Variants in IMPG1 observed in about 807,000 individuals in gnomAD.
IMPG1 encodes the protein interphotoreceptor matrix proteoglycan 1, also known as interphotoreceptor matrix proteoglycan of 150 kDa.
Under a neutral mutation model 92.0 loss-of-function variants are expected in IMPG1, and 85 were observed. The ratio of observed to expected loss-of-function variants is 0.92; its 90% CI spans 0.78 to 1.11. The LOEUF (loss-of-function observed/expected upper bound fraction) is 1.11. Among genes scored for constraint, IMPG1 ranks in the 50% least tolerant of loss-of-function variants. The pLI, the probability that IMPG1 is intolerant of heterozygous loss-of-function variation, is 0.00. For synonymous variants in IMPG1, 367 were observed against 334.1 expected (o/e 1.10, Z -1.08); for missense variants, 1,022 against 956.0 (o/e 1.07, Z -0.91).
intron 12 of IMPG1, among the ~76,000 whole-genome samples, chr6:75,955,813 C>A (rs1293523429): frequency 6.6e-6 from 1 of 152,052 alleles, no homozygotes; most frequent in Non-Finnish European, 1.5e-5. Context: ...GCATGAAGGG[C>A]TGTTGAATTT....
chr6:75,958,227 C>T (rs1409345115), intron 12 of IMPG1, among the ~76,000 whole-genome samples: 1 of 152,218 alleles, frequency 6.6e-6, no homozygotes, highest in Non-Finnish European at 1.5e-5. Context: ...CCACTCTCTT[C>T]TGGCTTGTAG....
intron 15 of IMPG1, among the ~76,000 whole-genome samples, chr6:75,929,603 G>A (rs151090846): frequency 0.039 from 5,851 of 150,606 alleles, 263 homozygotes; most frequent in East Asian, 0.15. Flanking sequence ...AATGCTAAAT[G>A]ATGAGTTAAT....
intron 12 of IMPG1, among the ~76,000 whole-genome samples, chr6:75,953,062 T>A (rs6918821): frequency 0.36 from 54,650 of 152,030 alleles, 10,064 homozygotes; most frequent in East Asian, 0.55. Flanking sequence ...ATGCATTTGA[T>A]TCTGTGTTCT....
Position 76,034,349 on chromosome 6 carries a change from A to G in IMPG1, c.469-6T>C. ...AAACTTCTCTGTTTTATTCTCTGCA[A>G]AAAGATAAAGATAAAATGTAATTTT... On this transcript the variant is annotated splice_polypyrimidine_tract_variant and splice_region_variant and intron_variant, in intron 3 of 16. Coordinates refer to ENST00000369950, the MANE Select transcript of IMPG1 (RefSeq NM_001563.4). The G allele has an allele frequency of 1.2e-6, 2 of 1,612,292 alleles. No individual in the cohort carries two copies. The highest frequency in any genetic ancestry group is 4.5e-5 in the East Asian group (2 of 44,840).
At chr6:75,936,615 G>A (rs991447571) in intron 14 of IMPG1, among the ~76,000 whole-genome samples, 2 of 152,200 alleles carry the variant, frequency 1.3e-5, no homozygotes, top group African/African-American at 2.4e-5. Flanking sequence ...CACCACCACA[G>A]CTGACTCTCA....
chr6:76,043,618 T>G (rs1783883607), intron 1 of IMPG1, among the ~76,000 whole-genome samples: 1 of 152,164 alleles, frequency 6.6e-6, no homozygotes, highest in South Asian at 2.1e-4. Flanking sequence ...CATCAGCAAA[T>G]TTTGAAAATC....
chr6:75,923,726 CAT>C lies in IMPG1; in HGVS notation c.2244-22_2244-21del. The C allele has an allele frequency of 2.7e-6, 4 of 1,481,120 alleles. No individual in the cohort carries two copies. Among genetic ancestry groups the C allele is most frequent in the Non-Finnish European group, 3.8e-6 (4 of 1,063,296 alleles). The allele number at this position is 1,481,120 out of a possible 1,614,324, so 91.7% of individuals were successfully genotyped here. On this transcript the variant is annotated intron_variant, in intron 15 of 16. Transcript: ENST00000369950. ...GGCAACCTACAAAAGAAAGCAAAAA[CAT>C]AGTATCTTGTTTCTTGGGCTTATCA...
At chr6:75,923,842 G>A (rs1323290794) in intron 15 of IMPG1, 136 bp from the exon 16 acceptor site, 38 of 567,792 alleles carry the variant, frequency 6.7e-5, no homozygotes, top group Non-Finnish European at 9.8e-5. Flanking sequence ...GGTGTCTTCC[G>A]TTTGAGTTGG....
At chr6:75,972,711 C>G (rs900998101) in intron 12 of IMPG1, among the ~76,000 whole-genome samples, 4 of 152,084 alleles carry the variant, frequency 2.6e-5, no homozygotes, top group African/African-American at 9.7e-5. Flanking sequence ...CGAACTTTAC[C>G]AAATTATATC....
At chr6:76,032,977 ATAG>A (rs1227677812) in intron 4 of IMPG1, among the ~76,000 whole-genome samples, 1 of 152,214 alleles carries the variant, frequency 6.6e-6, no homozygotes, top group East Asian at 1.9e-4. Flanking sequence ...TGACTCTCTC[ATAG>A]TAGGGTAACT....
intron 12 of IMPG1, among the ~76,000 whole-genome samples, chr6:76,002,201 G>A (rs2149476612): frequency 6.6e-6 from 1 of 152,176 alleles, no homozygotes; most frequent in African/African-American, 2.4e-5. Context: ...GAAAGAATAG[G>A]GGTTCTTGGA....
At chr6:76,046,344 A>C (rs1783942645) in intron 1 of IMPG1, among the ~76,000 whole-genome samples, 1 of 152,162 alleles carries the variant, frequency 6.6e-6, no homozygotes, top group African/African-American at 2.4e-5. Flanking sequence ...TATAGATTAA[A>C]CACTAGGAAA....
intron 1 of IMPG1, among the ~76,000 whole-genome samples, chr6:76,066,574 AC>A (rs1784314135): frequency 6.6e-6 from 1 of 152,142 alleles, no homozygotes; most frequent in South Asian, 2.1e-4. Flanking sequence ...ACTAGACCTA[AC>A]AAAAGAGGCA....
chr6:75,965,614 T>TTA (rs1782293989), intron 12 of IMPG1, among the ~76,000 whole-genome samples: 1 of 145,152 alleles, frequency 6.9e-6, no homozygotes, highest in South Asian at 2.2e-4. Flanking sequence ...TTCTTTTTTT[T>TTA]TTTTTTTTTT....
intron 1 of IMPG1, among the ~76,000 whole-genome samples, chr6:76,066,528 A>C (rs1184471260): frequency 6.6e-6 from 1 of 152,118 alleles, no homozygotes; most frequent in Non-Finnish European, 1.5e-5. Context: ...TTCTAACTAC[A>C]TATGCACTCA....
chr6:76,032,055 G>C (rs140574748), intron 4 of IMPG1, among the ~76,000 whole-genome samples: 267 of 152,304 alleles, frequency 1.8e-3, no homozygotes, highest in Non-Finnish European at 2.3e-3. Context: ...AAGGTTTAAA[G>C]TAAAAGATAA....
rs1781467653 is a variant in IMPG1 at position 75,923,577 on chromosome 6, A to T, written c.2316+57T>A. On this transcript the variant is annotated intron_variant, in intron 16 of 16. Transcript: ENST00000369950. ...AATAAGAGGGACATAAATGTTTTTA[A>T]TTTCCTTCAAAAGTCAAGTTTAGTA... 3.7e-6 allele frequency: 3 copies of T among 817,858 alleles called. No homozygotes were observed. The Admixed American group carries it at 6.1e-5, about 17-fold the overall frequency. The allele number at this position is 817,858 out of a possible 1,614,324, so 50.7% of individuals were successfully genotyped here.
Position 75,947,545 on chromosome 6 carries a change from A to G in IMPG1, c.1825-12T>C, listed in dbSNP as rs1245333632. The stretch of plus-strand genomic sequence containing the variant: ...AGATATGGAACCAGCTGCAAAATAA[A>G]AGATGGTTTCCTCTTAACTGTGTTC... On this transcript the variant is annotated splice_polypyrimidine_tract_variant and intron_variant, in intron 13 of 16. Transcript: ENST00000369950. The G allele has an allele frequency of 6.3e-7, 1 of 1,596,732 alleles. No homozygotes were observed.
At chr6:76,004,906 T>A (rs979190113) in intron 10 of IMPG1, among the ~76,000 whole-genome samples, 22 of 152,178 alleles carry the variant, frequency 1.4e-4, no homozygotes, top group Non-Finnish European at 2.9e-4. Context: ...CCTCAAATTA[T>A]ACTAATTTGA....
Sources: allele counts gnomAD v4.1 joint callset (sites outside exome capture counted in the v4.1 genomes callset), GRCh38; gene constraint gnomAD v4.1.1; transcripts MANE v1.5; gene names NCBI Gene and HGNC (gene_info 2026-07-23, HGNC 2026-07-21).